WWOX: variants seen among roughly 807,000 people sequenced by gnomAD.
The protein encoded by WWOX is WW domain containing oxidoreductase.
Under a neutral mutation model 46.2 loss-of-function variants are expected in WWOX, and 69 were observed. The ratio of observed to expected loss-of-function variants is 1.49; its 90% CI spans 1.23 to 1.82. The LOEUF (loss-of-function observed/expected upper bound fraction) is 1.82. WWOX is among the 40% of genes most tolerant of loss of function. The probability of loss-of-function intolerance (pLI) is 0.00; values close to 1 mark genes in which losing one functional copy is unlikely to be tolerated. For synonymous variants in WWOX, 359 were observed against 202.6 expected (o/e 1.77, Z -6.56); for missense variants, 919 against 542.6 (o/e 1.69, Z -6.89).
intron 8 of WWOX, among the ~76,000 whole-genome samples, chr16:78,490,771 C>T (rs1188749533): frequency 6.6e-6 from 1 of 152,212 alleles, no homozygotes; most frequent in East Asian, 1.9e-4. Context: ...CCAAGCACCC[C>T]TTACCCAGCA....
At chr16:78,742,393 G>A (rs568422485) in intron 8 of WWOX, among the ~76,000 whole-genome samples, 2 of 152,296 alleles carry the variant, frequency 1.3e-5, no homozygotes, top group South Asian at 4.1e-4. Flanking sequence ...AAGTGTTTCA[G>A]CGCCCTGGCT....
chr16:78,643,721 C>G (rs1450859478), intron 8 of WWOX, among the ~76,000 whole-genome samples: 1 of 151,662 alleles, frequency 6.6e-6, no homozygotes, highest in African/African-American at 2.4e-5. Flanking sequence ...CTTCTAGGAA[C>G]TGATTTAAAA....
intron 8 of WWOX, among the ~76,000 whole-genome samples, chr16:79,198,122 G>C (rs1382059823): frequency 2.0e-5 from 3 of 151,610 alleles, no homozygotes; most frequent in Admixed American, 1.3e-4. Flanking sequence ...GACAGGAGTT[G>C]GAGACCAGCC....
intron 8 of WWOX, among the ~76,000 whole-genome samples, chr16:79,034,538 A>C (rs1286867263): frequency 6.6e-6 from 1 of 152,192 alleles, no homozygotes; most frequent in Non-Finnish European, 1.5e-5. Context: ...AATGATCAGG[A>C]GACTGGCTTC....
At chr16:78,124,548 T>G (rs913383275) in intron 4 of WWOX, among the ~76,000 whole-genome samples, 3 of 152,122 alleles carry the variant, frequency 2.0e-5, no homozygotes, top group Non-Finnish European at 2.9e-5. Flanking sequence ...CACCAGTAGA[T>G]GGATCAAAAA....
chr16:78,516,626 G>T (rs1311878274), intron 8 of WWOX, among the ~76,000 whole-genome samples: 1 of 152,050 alleles, frequency 6.6e-6, no homozygotes, highest in African/African-American at 2.4e-5. Flanking sequence ...CATTTTGCAC[G>T]TGTATTGTCT....
chr16:79,183,666 G>A (rs73584712), intron 8 of WWOX, among the ~76,000 whole-genome samples: 5 of 152,114 alleles, frequency 3.3e-5, no homozygotes, highest in Non-Finnish European at 7.4e-5. Flanking sequence ...AAATAACTAT[G>A]TGTGAACTCT....
intron 8 of WWOX, among the ~76,000 whole-genome samples, chr16:79,112,188 C>G (rs564778996): frequency 6.6e-6 from 1 of 152,238 alleles, no homozygotes; most frequent in African/African-American, 2.4e-5. Flanking sequence ...ATTCTTCTTT[C>G]TTTGTAAGTA....
intron 8 of WWOX, among the ~76,000 whole-genome samples, chr16:78,560,389 T>C (rs1296016338): frequency 1.3e-5 from 2 of 152,200 alleles, no homozygotes; most frequent in Admixed American, 6.5e-5. Context: ...ACGCCTGTAA[T>C]CCCAGCACTT....
intron 8 of WWOX, among the ~76,000 whole-genome samples, chr16:78,908,548 A>AG (rs2045026993): frequency 6.6e-6 from 1 of 151,252 alleles, no homozygotes; most frequent in Non-Finnish European, 1.5e-5. Flanking sequence ...TCGGAAAAAA[A>AG]AAAAAGAGTT....
intron 5 of WWOX, among the ~76,000 whole-genome samples, chr16:78,304,384 C>T (rs2080095461): frequency 2.0e-5 from 3 of 152,158 alleles, no homozygotes; most frequent in Admixed American, 1.3e-4. Context: ...TTTGGTTTCC[C>T]CACTTTTTCC....
rs1402519702 is a variant in WWOX at position 78,349,102 on chromosome 16, A to T, written c.517-37758A>T. Among the ~76,000 whole-genome samples the T allele has an allele frequency of 2.5e-5, 3 of 120,374 alleles. 1 individual carries two copies. The highest frequency in any genetic ancestry group is 5.9e-5 in the Non-Finnish European group (3 of 50,474). The allele number at this position is 120,374 out of a possible 152,430, so 79.0% of individuals were successfully genotyped here. ...AATTCCAAGGTCAAGGTTCCGGCAC[A>T]GTTGATGTCTTCTGAGGTCTACCTC... On this transcript the variant is annotated intron_variant, in intron 5 of 8. Transcript: ENST00000566780.
chr16:78,330,117 A>C (rs1218750938), intron 5 of WWOX, among the ~76,000 whole-genome samples: 1 of 152,102 alleles, frequency 6.6e-6, no homozygotes, highest in African/African-American at 2.4e-5. Flanking sequence ...TAAATGTTTA[A>C]AATACCTAAA....
intron 8 of WWOX, among the ~76,000 whole-genome samples, chr16:79,142,584 G>A (rs139538015): frequency 1.3e-5 from 2 of 152,162 alleles, no homozygotes; most frequent in Non-Finnish European, 2.9e-5. Context: ...TTCAATTTCA[G>A]TTGTAGCATG....
chr16:78,310,745 T>A (rs111377297), intron 5 of WWOX, among the ~76,000 whole-genome samples: 1 of 152,194 alleles, frequency 6.6e-6, no homozygotes, highest in African/African-American at 2.4e-5. Context: ...GAAAGGAGTT[T>A]TACTCACCTT....
intron 4 of WWOX, among the ~76,000 whole-genome samples, chr16:78,117,446 T>C (rs551754607): frequency 6.6e-6 from 1 of 152,294 alleles, no homozygotes; most frequent in East Asian, 1.9e-4. Flanking sequence ...TCTGAATTTT[T>C]GAAATAATAT....
intron 5 of WWOX, among the ~76,000 whole-genome samples, chr16:78,325,035 C>G (rs76245618): frequency 0.021 from 3,179 of 152,282 alleles, 50 homozygotes; most frequent in Non-Finnish European, 0.032. Context: ...ACCCATTCCT[C>G]AGATTCCTTG....
chr16:78,381,844 T>G (rs2081963073), intron 5 of WWOX, among the ~76,000 whole-genome samples: 1 of 152,022 alleles, frequency 6.6e-6, no homozygotes, highest in East Asian at 1.9e-4. Context: ...GGCTAGCAGT[T>G]TATTTTACGG....
At chr16:79,024,922 G>C (rs1044842476) in intron 8 of WWOX, among the ~76,000 whole-genome samples, 1 of 152,202 alleles carries the variant, frequency 6.6e-6, no homozygotes. Context: ...GAAGAAACAC[G>C]TGAGTGTGGG....
Sources: gnomAD v4.1 joint callset for allele counts (sites outside exome capture counted in the v4.1 genomes callset) on GRCh38, gnomAD v4.1.1 for gene constraint, MANE v1.5 for transcripts, NCBI Gene and HGNC (gene_info 2026-07-23, HGNC 2026-07-21) for gene names.